FRMPD4: variants seen among roughly 807,000 people sequenced by gnomAD.
FRMPD4 encodes the protein FERM and PDZ domain containing 4.
FRMPD4 carries 22 observed loss-of-function variants against 94.1 expected under a neutral mutation model. That is an observed-to-expected ratio of 0.23 (90% CI 0.17 to 0.33). The LOEUF (loss-of-function observed/expected upper bound fraction) is 0.33. Among genes scored for constraint, FRMPD4 ranks in the 10% least tolerant of loss-of-function variants. The probability of loss-of-function intolerance (pLI) is 1.00; values close to 1 mark genes in which losing one functional copy is unlikely to be tolerated. For missense variants in FRMPD4, 1,111 were observed against 1,339.9 expected (o/e 0.83, Z 2.67); for synonymous variants, 631 against 548.6 (o/e 1.15, Z -2.10).
At chrX:11,851,352 C>T (rs777469394) in intron 1 of FRMPD4, among the ~76,000 whole-genome samples, 2 of 111,154 alleles carry the variant, frequency 1.8e-5, no homozygotes, top group Non-Finnish European at 3.8e-5. Context: ...GAGTCATAGA[C>T]CCTTCTCCAT....
intron 1 of FRMPD4, among the ~76,000 whole-genome samples, chrX:12,441,718 G>C (rs2057139348): frequency 2.7e-5 from 3 of 112,327 alleles, no homozygotes; most frequent in Admixed American, 1.9e-4. Flanking sequence ...TGGTGTAGTA[G>C]CAAAGTATAG....
intron 1 of FRMPD4, among the ~76,000 whole-genome samples, chrX:12,193,683 A>G (rs2056517492): frequency 9.7e-6 from 1 of 102,621 alleles, no homozygotes; most frequent in Non-Finnish European, 2.0e-5. Context: ...AGAGAAAGAG[A>G]AAAAGAAAAA....
chrX:12,150,847 A>G (rs2055839801), intron 1 of FRMPD4, among the ~76,000 whole-genome samples: 1 of 111,668 alleles, frequency 9.0e-6, no homozygotes, highest in Non-Finnish European at 1.9e-5. Flanking sequence ...TAAAATACTT[A>G]AATATTTGAT....
intron 1 of FRMPD4, among the ~76,000 whole-genome samples, chrX:12,163,961 A>G (rs766192319): frequency 9.0e-6 from 1 of 111,556 alleles, no homozygotes; most frequent in East Asian, 2.8e-4. Flanking sequence ...TTGTGCATAC[A>G]CTATTGTTTC....
At chrX:12,553,215 A>G (rs1350257065) in intron 2 of FRMPD4, among the ~76,000 whole-genome samples, 3 of 109,904 alleles carry the variant, frequency 2.7e-5, no homozygotes, top group Non-Finnish European at 3.8e-5. Context: ...AAAAAGAGAG[A>G]AAAACAAAAG....
chrX:12,514,267 G>A (rs914815480), intron 2 of FRMPD4, among the ~76,000 whole-genome samples: 6 of 111,270 alleles, frequency 5.4e-5, no homozygotes, highest in African/African-American at 2.0e-4. Flanking sequence ...GAATAGGAAT[G>A]GTGAGAGAGG....
intron 2 of FRMPD4, among the ~76,000 whole-genome samples, chrX:12,564,507 T>G (rs2897787): frequency 0.033 from 3,729 of 111,726 alleles, 74 homozygotes; most frequent in Middle Eastern, 0.093. Context: ...GCTCTACACA[T>G]AAGTGCAACA....
intron 3 of FRMPD4, among the ~76,000 whole-genome samples, chrX:12,105,062 G>A (rs992010154): frequency 9.0e-6 from 1 of 111,501 alleles, no homozygotes; most frequent in Non-Finnish European, 1.9e-5. Context: ...TCAGTTATTT[G>A]CATAGTTATC....
chrX:12,314,081 CA>C (rs2055075727), intron 1 of FRMPD4, among the ~76,000 whole-genome samples: 1 of 112,461 alleles, frequency 8.9e-6, no homozygotes, highest in South Asian at 3.6e-4. Flanking sequence ...GGGCAAAACA[CA>C]AGACATTGAA....
At chrX:12,650,660 G>C (rs988245679) in intron 4 of FRMPD4, among the ~76,000 whole-genome samples, 2 of 112,327 alleles carry the variant, frequency 1.8e-5, no homozygotes, top group East Asian at 5.6e-4. Flanking sequence ...TCAGTAAGAT[G>C]GGTCAGCTTT....
chrX:12,053,377 A>AGAAAGAAAGAAG (rs1491507838), intron 3 of FRMPD4, among the ~76,000 whole-genome samples: 1 of 90,852 alleles, frequency 1.1e-5, no homozygotes, highest in Admixed American at 1.3e-4. Context: ...AAAGAAAGAA[A>AGAAAGAAAGAAG]GAAAGAAAGA....
At position 12,303,824 on chromosome X, in the gene FRMPD4, A is replaced by G. The variant is rs146599481; in HGVS notation, c.41+164812A>G. Reference sequence around the variant, plus strand: ...GATAGGCCAAAATGCTGTGCTAACTATAGAGGAAAACAGATATTTAGAAAG... The same window carrying G: ...GATAGGCCAAAATGCTGTGCTAACTGTAGAGGAAAACAGATATTTAGAAAG... On this transcript the variant is annotated intron_variant, in intron 1 of 16. Coordinates refer to ENST00000675598, the MANE Select transcript of FRMPD4 (RefSeq NM_001368397.1). 1.8e-3 allele frequency among the ~76,000 whole-genome samples: 208 copies of G among 112,626 alleles called. 1 individual carries two copies. The highest frequency in any genetic ancestry group is 4.6e-3 in the Middle Eastern group (1 of 218).
intron 1 of FRMPD4, among the ~76,000 whole-genome samples, chrX:11,849,076 A>G (rs1569110459): frequency 8.9e-6 from 1 of 111,979 alleles, no homozygotes; most frequent in Non-Finnish European, 1.9e-5. Context: ...TCTATGAGAA[A>G]GCTGGTAGAA....
chrX:12,005,355 CT>C (rs1256110180), intron 3 of FRMPD4, among the ~76,000 whole-genome samples: 1 of 108,018 alleles, frequency 9.3e-6, no homozygotes, highest in Non-Finnish European at 1.9e-5. Flanking sequence ...GAATATAGCC[CT>C]GGCCTAAATC....
intron 2 of FRMPD4, among the ~76,000 whole-genome samples, chrX:12,505,657 G>T (rs1308826545): frequency 1.9e-5 from 2 of 105,092 alleles, no homozygotes; most frequent in Non-Finnish European, 3.9e-5. Context: ...AATCTGGGAG[G>T]CAGAGGTTGC....
chrX:12,435,614 G>T (rs904210939), intron 1 of FRMPD4, among the ~76,000 whole-genome samples: 2 of 111,398 alleles, frequency 1.8e-5, no homozygotes, highest in Admixed American at 1.9e-4. Context: ...TCTTTGCTGT[G>T]ATTATGATTA....
chrX:12,355,032 A>G (rs1274138437), intron 1 of FRMPD4, among the ~76,000 whole-genome samples: 1 of 112,259 alleles, frequency 8.9e-6, no homozygotes, highest in Non-Finnish European at 1.9e-5. Context: ...TGGAAAACTT[A>G]TAGTATGGAT....
intron 1 of FRMPD4, among the ~76,000 whole-genome samples, chrX:12,417,332 A>G (rs1394448545): frequency 2.7e-5 from 3 of 110,909 alleles, no homozygotes; most frequent in African/African-American, 9.8e-5. Flanking sequence ...TAATCCCAGC[A>G]CTTTGGGAGG....
chrX:11,849,601 A>C (rs1187279534), intron 1 of FRMPD4, among the ~76,000 whole-genome samples: 1 of 111,191 alleles, frequency 9.0e-6, no homozygotes, highest in Non-Finnish European at 1.9e-5. Flanking sequence ...TAGAGAGCCC[A>C]AAAATAAACA....
Sources: allele counts gnomAD v4.1 joint callset (sites outside exome capture counted in the v4.1 genomes callset), GRCh38; gene constraint gnomAD v4.1.1; transcripts MANE v1.5; gene names NCBI Gene and HGNC (gene_info 2026-07-23, HGNC 2026-07-21).